ROBO2: variants seen among roughly 807,000 people sequenced by gnomAD.
ROBO2 encodes roundabout guidance receptor 2.
A neutral mutation model predicts 160.8 loss-of-function variants in ROBO2; 53 were observed. The ratio of observed to expected loss-of-function variants is 0.33; its 90% CI spans 0.26 to 0.41. The LOEUF (loss-of-function observed/expected upper bound fraction) is 0.41. Ranked by LOEUF, ROBO2 falls within the 10% of genes least tolerant of loss-of-function variation. The pLI is 1.00. For missense variants in ROBO2, 1,577 were observed against 1,722.4 expected (o/e 0.92, Z 1.49); for synonymous variants, 664 against 611.7 (o/e 1.09, Z -1.26).
chr3:77,332,880 G>A (rs1165913051), intron 2 of ROBO2, among the ~76,000 whole-genome samples: 1 of 152,110 alleles, frequency 6.6e-6, no homozygotes, highest in Non-Finnish European at 1.5e-5. Context: ...TCAATACCAG[G>A]TTAAAAACAG....
At chr3:76,583,158 C>T (rs949194701) in intron 2 of ROBO2, among the ~76,000 whole-genome samples, 2 of 152,184 alleles carry the variant, frequency 1.3e-5, no homozygotes, top group East Asian at 1.9e-4. Context: ...TGCAGTGCTC[C>T]GTTGTAAATA....
At position 76,200,840 on chromosome 3, in the gene ROBO2, G is replaced by T. The variant is rs957633422; in HGVS notation, c.109+263238G>T. On this transcript the variant is annotated intron_variant, in intron 2 of 26. Coordinates refer to the ROBO2 transcript ENST00000487694. ...TGGGGCCACTTAGTGCTGGTGAACA[G>T]TGGGCAGCTTGGAGCCAGCTCACAC... 3.3e-5 allele frequency among the ~76,000 whole-genome samples: 5 copies of T among 151,890 alleles called. No homozygotes were observed. In the Admixed American group the frequency reaches 3.3e-4, roughly 10 times the overall value.
chr3:76,188,445 A>G (rs1380287870), intron 2 of ROBO2, among the ~76,000 whole-genome samples: 1 of 152,092 alleles, frequency 6.6e-6, no homozygotes, highest in African/African-American at 2.4e-5. Context: ...AGGAATAACA[A>G]GGATTGCCTG....
intron 2 of ROBO2, among the ~76,000 whole-genome samples, chr3:77,469,528 A>C (rs1461547621): frequency 6.6e-6 from 1 of 152,094 alleles, no homozygotes; most frequent in African/African-American, 2.4e-5. Context: ...TAGTTTTATG[A>C]GTGACCATCA....
intron 2 of ROBO2, among the ~76,000 whole-genome samples, chr3:76,237,896 G>T (rs1273925195): frequency 6.6e-6 from 1 of 152,130 alleles, no homozygotes; most frequent in African/African-American, 2.4e-5. Flanking sequence ...CTCAAACCTT[G>T]TGGCTGAGAT....
chr3:77,636,003 A>C (rs150836673), intron 24 of ROBO2, among the ~76,000 whole-genome samples: 1 of 152,194 alleles, frequency 6.6e-6, no homozygotes, highest in African/African-American at 2.4e-5. Context: ...GTATGATCAC[A>C]TAGCGGAAGG....
At chr3:76,728,120 C>G (rs919942204) in intron 2 of ROBO2, among the ~76,000 whole-genome samples, 68 of 151,122 alleles carry the variant, frequency 4.5e-4, no homozygotes, top group African/African-American at 1.6e-3. Context: ...AAAAAATATT[C>G]CTAGTTGTAG....
chr3:76,341,734 G>T (rs1467353446), intron 2 of ROBO2, among the ~76,000 whole-genome samples: 2 of 152,066 alleles, frequency 1.3e-5, no homozygotes, highest in Non-Finnish European at 2.9e-5. Flanking sequence ...TAGTTGTGTT[G>T]GATGCTTAAG....
chr3:77,177,868 A>G (rs2080308825), intron 2 of ROBO2, among the ~76,000 whole-genome samples: 1 of 152,052 alleles, frequency 6.6e-6, no homozygotes. Flanking sequence ...TCCATTTATA[A>G]TTATGTACGT....
chr3:77,349,967 G>T (rs1238833612), intron 2 of ROBO2, among the ~76,000 whole-genome samples: 1 of 151,904 alleles, frequency 6.6e-6, no homozygotes, highest in African/African-American at 2.4e-5. Context: ...AAAGTTAGTT[G>T]ACCTTCTGAT....
chr3:76,576,701 C>CTTTTTTTTTTTTTT (rs56404865), intron 2 of ROBO2, among the ~76,000 whole-genome samples: 14 of 62,408 alleles, frequency 2.2e-4, no homozygotes, highest in East Asian at 4.7e-4. Context: ...CATTTTCTTT[C>CTTTTTTTTTTTTTT]TTTTTTTTTT....
chr3:76,006,972 A>G (rs1362254606), intron 2 of ROBO2, among the ~76,000 whole-genome samples: 1 of 152,108 alleles, frequency 6.6e-6, no homozygotes, highest in Non-Finnish European at 1.5e-5. Flanking sequence ...TTCAACACAA[A>G]TATACTTATA....
intron 2 of ROBO2, among the ~76,000 whole-genome samples, chr3:77,154,369 G>T (rs185282361): frequency 3.9e-5 from 6 of 152,032 alleles, no homozygotes; most frequent in Non-Finnish European, 8.8e-5. Flanking sequence ...GTTTTTAGAC[G>T]CTGGTGAGGC....
At chr3:76,332,268 T>C (rs527371239) in intron 2 of ROBO2, among the ~76,000 whole-genome samples, 3 of 152,296 alleles carry the variant, frequency 2.0e-5, no homozygotes, top group Non-Finnish European at 4.4e-5. Context: ...AATAATATTG[T>C]ATAACACCAA....
chr3:77,147,731 A>T (rs1487976326), intron 2 of ROBO2, among the ~76,000 whole-genome samples: 1 of 152,138 alleles, frequency 6.6e-6, no homozygotes, highest in African/African-American at 2.4e-5. Flanking sequence ...TTCTAATTTT[A>T]TTGTGCCAAG....
chr3:77,317,058 A>T (rs2064071061), intron 2 of ROBO2: 1 of 1,477,184 alleles, frequency 6.8e-7, no homozygotes. Context: ...CATTCACAGT[A>T]GTGTGAAGCT....
chr3:77,252,974 T>C (rs1263232059), intron 2 of ROBO2, among the ~76,000 whole-genome samples: 1 of 151,114 alleles, frequency 6.6e-6, no homozygotes, highest in Non-Finnish European at 1.5e-5. Context: ...TTATGCTCTT[T>C]TGGAAAAAAA....
chr3:76,135,023 T>C (rs1474591214), intron 2 of ROBO2, among the ~76,000 whole-genome samples: 4 of 152,064 alleles, frequency 2.6e-5, no homozygotes, highest in African/African-American at 7.2e-5. Flanking sequence ...ATTTAGGACC[T>C]TACGGGGCCA....
At chr3:76,249,817 C>T (rs532006619) in intron 2 of ROBO2, among the ~76,000 whole-genome samples, 3 of 152,178 alleles carry the variant, frequency 2.0e-5, no homozygotes, top group African/African-American at 7.2e-5. Context: ...CACCGTTTCT[C>T]AAAGGATATT....
Sources: gnomAD v4.1 joint callset for allele counts (sites outside exome capture counted in the v4.1 genomes callset) on GRCh38, gnomAD v4.1.1 for gene constraint, MANE v1.5 for transcripts, NCBI Gene and HGNC (gene_info 2026-07-23, HGNC 2026-07-21) for gene names.